RBFOX1: variants seen among roughly 807,000 people sequenced by gnomAD.
RBFOX1 encodes RNA binding protein fox-1 homolog 1.
Under a neutral mutation model 57.7 loss-of-function variants are expected in RBFOX1, and 8 were observed. The ratio of observed to expected loss-of-function variants is 0.14; its 90% CI spans 0.08 to 0.25. The LOEUF is 0.25. RBFOX1 is among the 10% of genes least tolerant of loss of function. The pLI is 1.00. For synonymous variants in RBFOX1, 326 were observed against 222.4 expected (o/e 1.47, Z -4.15); for missense variants, 611 against 548.5 (o/e 1.11, Z -1.14).
intron 2 of RBFOX1, among the ~76,000 whole-genome samples, chr16:6,413,025 A>T (rs12162042): frequency 1.6e-3 from 247 of 152,250 alleles, no homozygotes; most frequent in East Asian, 4.2e-3. Context: ...AGCTATTTTT[A>T]AAAAAAATTT....
chr16:7,620,170 T>C (rs1031922517), intron 10 of RBFOX1, among the ~76,000 whole-genome samples: 4 of 152,222 alleles, frequency 2.6e-5, no homozygotes, highest in Admixed American at 1.3e-4. Flanking sequence ...TACCCAATAA[T>C]AATTGCTATT....
intron 1 of RBFOX1, among the ~76,000 whole-genome samples, chr16:6,081,145 G>T (rs1384860084): frequency 6.6e-6 from 1 of 152,306 alleles, no homozygotes; most frequent in East Asian, 1.9e-4. Context: ...CTCATAGGGC[G>T]TCTTTCAGAT....
intron 1 of RBFOX1, among the ~76,000 whole-genome samples, chr16:5,280,400 T>A (rs1244721450): frequency 6.6e-6 from 1 of 152,240 alleles, no homozygotes; most frequent in Non-Finnish European, 1.5e-5. Context: ...AGTTTTCTCT[T>A]TTTGTTGTGT....
At chr16:5,384,937 T>A (rs777003006) in intron 1 of RBFOX1, among the ~76,000 whole-genome samples, 17 of 152,346 alleles carry the variant, frequency 1.1e-4, no homozygotes, top group Non-Finnish European at 1.8e-4. Context: ...GCTCAGTATG[T>A]GGCTCATCTA....
rs539837833 is a variant in RBFOX1, at chr16:5,612,074, C to G, written c.318+13113C>G. ...TCCATCTCTCCATCTAGTCTCCCAC[C>G]CACCTACTCTCCCATCCATCCCATT... On this transcript the variant is annotated intron_variant, in intron 3 of 19. Coordinates refer to the RBFOX1 transcript ENST00000641259. Among the ~76,000 whole-genome samples, 3 of 151,542 alleles carry G rather than the reference C, an allele frequency of 2.0e-5. No individual in the cohort carries two copies. The South Asian group carries it at 6.3e-4, about 32-fold the overall frequency.
chr16:6,635,329 G>A (rs1466574744), intron 2 of RBFOX1, among the ~76,000 whole-genome samples: 1 of 151,946 alleles, frequency 6.6e-6, no homozygotes. Flanking sequence ...GAAAAAGTCA[G>A]ATATTGTATA....
intron 3 of RBFOX1, among the ~76,000 whole-genome samples, chr16:6,842,099 C>T (rs564763054): frequency 1.1e-3 from 162 of 150,954 alleles, no homozygotes; most frequent in African/African-American, 3.6e-3. Flanking sequence ...GCGGAGATCG[C>T]GCCACTGCAC....
At chr16:6,939,777 G>A (rs1012572063) in intron 3 of RBFOX1, among the ~76,000 whole-genome samples, 3 of 152,218 alleles carry the variant, frequency 2.0e-5, no homozygotes, top group African/African-American at 4.8e-5. Context: ...CTACCATAGT[G>A]CTGGGATTAC....
chr16:6,351,352 G>GTGTATA (rs1474177476), intron 2 of RBFOX1, among the ~76,000 whole-genome samples: 39 of 92,444 alleles, frequency 4.2e-4, no homozygotes, highest in East Asian at 1.5e-3. Flanking sequence ...GTGTGTGTGT[G>GTGTATA]TATATATATA....
chr16:5,448,763 C>G (rs2068330371), intron 1 of RBFOX1, among the ~76,000 whole-genome samples: 1 of 152,210 alleles, frequency 6.6e-6, no homozygotes, highest in Non-Finnish European at 1.5e-5. Flanking sequence ...GTAAGTGCAG[C>G]AGATAGTTTT....
At chr16:5,958,934 A>T (rs1452618264) in intron 4 of RBFOX1, among the ~76,000 whole-genome samples, 1 of 152,158 alleles carries the variant, frequency 6.6e-6, no homozygotes, top group African/African-American at 2.4e-5. Context: ...CCCCATCTCA[A>T]CAACCTAAAT....
intron 4 of RBFOX1, among the ~76,000 whole-genome samples, chr16:5,935,800 T>C (rs531777373): frequency 6.6e-6 from 1 of 152,346 alleles, no homozygotes; most frequent in Non-Finnish European, 1.5e-5. Flanking sequence ...CCACATCCAA[T>C]GGCTAGTTTA....
intron 3 of RBFOX1, among the ~76,000 whole-genome samples, chr16:5,860,991 G>A (rs767434421): frequency 1.3e-5 from 2 of 152,204 alleles, no homozygotes; most frequent in African/African-American, 2.4e-5. Context: ...TTTCCTGAAG[G>A]CTAAAGGGAT....
intron 4 of RBFOX1, among the ~76,000 whole-genome samples, chr16:7,208,802 C>A (rs73547539): frequency 0.1 from 15,224 of 152,120 alleles, 826 homozygotes; most frequent in African/African-American, 0.11. Flanking sequence ...GCAGCACTTG[C>A]AATCCAGCCT....
At chr16:6,563,297 T>A (rs1406181665) in intron 2 of RBFOX1, among the ~76,000 whole-genome samples, 1 of 152,168 alleles carries the variant, frequency 6.6e-6, no homozygotes, top group Non-Finnish European at 1.5e-5. Context: ...TTATGAACAT[T>A]TACTGAGAGC....
intron 4 of RBFOX1, among the ~76,000 whole-genome samples, chr16:7,097,653 C>T (rs1244464140): frequency 1.3e-5 from 2 of 152,138 alleles, no homozygotes; most frequent in East Asian, 1.9e-4. Flanking sequence ...AAACCCAGGG[C>T]CTCTCTGCAT....
At chr16:5,422,162 A>G (rs2067349190) in intron 1 of RBFOX1, among the ~76,000 whole-genome samples, 1 of 151,408 alleles carries the variant, frequency 6.6e-6, no homozygotes, top group African/African-American at 2.4e-5. Flanking sequence ...TGAATATGGC[A>G]TTGTTTGTAG....
At chr16:6,310,224 T>G (rs1236186110) in intron 1 of RBFOX1, among the ~76,000 whole-genome samples, 1 of 152,156 alleles carries the variant, frequency 6.6e-6, no homozygotes, top group Non-Finnish European at 1.5e-5. Flanking sequence ...CATGTAAACC[T>G]TGGAATAGCG....
intron 1 of RBFOX1, among the ~76,000 whole-genome samples, chr16:6,133,718 C>A (rs571605890): frequency 3.3e-4 from 51 of 152,264 alleles, no homozygotes; most frequent in African/African-American, 1.1e-3. Flanking sequence ...CTTGCTCACA[C>A]CTGGTAGTCA....
Sources: gnomAD v4.1 joint callset for allele counts (sites outside exome capture counted in the v4.1 genomes callset) on GRCh38, gnomAD v4.1.1 for gene constraint, MANE v1.5 for transcripts, NCBI Gene and HGNC (gene_info 2026-07-23, HGNC 2026-07-21) for gene names.